The following KPNA3 variants were observed in gnomAD, a reference collection of about 807,000 sequenced individuals.
KPNA3 encodes importin subunit alpha-4.
In KPNA3, 13 loss-of-function variants were observed where a neutral mutation model predicts 73.8. The ratio of observed to expected loss-of-function variants is 0.18; its 90% CI spans 0.11 to 0.28. The LOEUF is 0.28. Ranked by LOEUF, KPNA3 falls within the 10% of genes least tolerant of loss-of-function variation. The pLI, the probability that KPNA3 is intolerant of heterozygous loss-of-function variation, is 1.00. For missense variants in KPNA3, 360 were observed against 618.1 expected, an observed-to-expected ratio of 0.58 and a Z score of 4.43; for synonymous variants, 186 against 206.9, an observed-to-expected ratio of 0.90 and a Z score of 0.87.
intron 1 of KPNA3, among the ~76,000 whole-genome samples, chr13:49,768,193 C>T (rs538660954): frequency 8.6e-5 from 13 of 150,344 alleles, no homozygotes; most frequent in Non-Finnish European, 1.9e-4. Flanking sequence ...GCAGGAAAAT[C>T]GCTTGAACCT....
At chr13:49,741,412 T>C (rs1286523074) in intron 2 of KPNA3, among the ~76,000 whole-genome samples, 1 of 152,124 alleles carries the variant, frequency 6.6e-6, no homozygotes, top group African/African-American at 2.4e-5. Flanking sequence ...GTATACCTAT[T>C]AGCCAGTTCT....
Position 49,709,689 on chromosome 13 carries a change from G to A in KPNA3, c.915C>T (p.Leu305=). The change falls in exon 12 of 17, where the codon CTC becomes CTT. Residue 305 remains leucine (L), a synonymous_variant. Transcript: ENST00000261667. ...CAGTCACTATGTTGCCAACTGCTCT[G>A]AGGGCTGCTGTCTAGGGTGGGGATA... ...HQEVKVQTAA[L]RAVGNIVTGT... The A allele has an allele frequency of 1.2e-6, 2 of 1,613,882 alleles. No individual in the cohort carries two copies. Among genetic ancestry groups the A allele is most frequent in the Admixed American group, 1.7e-5 (1 of 59,986 alleles).
intron 1 of KPNA3, among the ~76,000 whole-genome samples, chr13:49,749,264 C>T (rs1954642578): frequency 1.3e-5 from 2 of 152,166 alleles, no homozygotes; most frequent in African/African-American, 2.4e-5. Context: ...GTTTTAAACA[C>T]CCCTAAACAG....
chr13:49,721,589 G>A (rs1954358829), intron 9 of KPNA3, among the ~76,000 whole-genome samples: 1 of 152,176 alleles, frequency 6.6e-6, no homozygotes, highest in Admixed American at 6.5e-5. Context: ...GGAGGCCGAG[G>A]CGGGCAGATC....
chr13:49,732,671 T>C lies in KPNA3; in HGVS notation c.235-14A>G. 6.3e-7 allele frequency: 1 copy of C among 1,593,882 alleles called. No homozygotes were observed. The highest frequency in any genetic ancestry group is 1.1e-5 in the South Asian group (1 of 88,112). ...ACTTGTGGCATTCTGCAATACCAAA[T>C]GTAAATTTCAGAAATGAAAAAAAAA... On this transcript the variant is annotated splice_polypyrimidine_tract_variant and intron_variant, in intron 4 of 16. Transcript: ENST00000261667.
At chr13:49,788,738 T>TA (rs370220925) in intron 1 of KPNA3, among the ~76,000 whole-genome samples, 1 of 70,244 alleles carries the variant, frequency 1.4e-5, no homozygotes, top group Non-Finnish European at 3.4e-5. Context: ...TTTTTTTTTT[T>TA]AAAAAAAAAA....
At chr13:49,762,938 G>GACA (rs1954781017) in intron 1 of KPNA3, among the ~76,000 whole-genome samples, 1 of 58,230 alleles carries the variant, frequency 1.7e-5, no homozygotes, top group South Asian at 6.5e-4. Context: ...AAAAAAAGAA[G>GACA]AGGAGAGGTC....
At chr13:49,773,438 T>G (rs557703841) in intron 1 of KPNA3, among the ~76,000 whole-genome samples, 1 of 152,300 alleles carries the variant, frequency 6.6e-6, no homozygotes, top group South Asian at 2.1e-4. Context: ...ATTTTTTCGA[T>G]GATATAATTA....
intron 6 of KPNA3, 81 bp from the exon 7 acceptor site, chr13:49,725,582 C>A: frequency 2.4e-6 from 2 of 819,348 alleles, no homozygotes; most frequent in Non-Finnish European, 1.9e-6. Context: ...TAAGATATGG[C>A]TATTCTTTGC....
In KPNA3 at chr13:49,752,166, G is replaced by GT. The variant is rs1025882969; in HGVS notation, c.70-5174dup. On this transcript the variant is annotated intron_variant, in intron 1 of 16. Transcript: ENST00000261667. The stretch of plus-strand genomic sequence containing the variant: ...GGGATCTTTTGCACACATCAACATT[G>GT]TTAAGTATGATGGAGCTAGACACAA... Among the ~76,000 whole-genome samples the GT allele has an allele frequency of 4.7e-4, 72 of 152,272 alleles. 1 individual carries two copies. Among genetic ancestry groups the GT allele is most frequent in the African/African-American group, 1.7e-3 (69 of 41,548 alleles).
At chr13:49,725,532 A>T (rs1490943985) in intron 6 of KPNA3, 31 bp from the exon 7 acceptor site, 10 of 1,306,098 alleles carry the variant, frequency 7.7e-6, no homozygotes, top group Non-Finnish European at 1.1e-5. Flanking sequence ...ATCTTTTTAG[A>T]CACATAACTA....
intron 12 of KPNA3, among the ~76,000 whole-genome samples, chr13:49,708,331 T>G (rs543444199): frequency 6.6e-5 from 10 of 152,216 alleles, no homozygotes; most frequent in African/African-American, 2.4e-4. Context: ...GAGACACCAC[T>G]TCACATCTAC....
chr13:49,718,296 G>A (rs1005901356), intron 10 of KPNA3, among the ~76,000 whole-genome samples: 12 of 152,072 alleles, frequency 7.9e-5, no homozygotes, highest in African/African-American at 2.9e-4. Flanking sequence ...GTCTTAGAAG[G>A]CATGGTCTCT....
intron 1 of KPNA3, among the ~76,000 whole-genome samples, chr13:49,783,652 A>G (rs1426955548): frequency 6.6e-6 from 1 of 152,168 alleles, no homozygotes; most frequent in African/African-American, 2.4e-5. Context: ...CTGACTCTGA[A>G]GTTAGAAGTT....
chr13:49,787,291 T>C (rs902068086), intron 1 of KPNA3, among the ~76,000 whole-genome samples: 16 of 152,010 alleles, frequency 1.1e-4, no homozygotes, highest in Admixed American at 1.0e-3. Flanking sequence ...TTTGCAAGAG[T>C]AAAAAGATAA....
chr13:49,702,355 G>T, intron 16 of KPNA3, 31 bp downstream of exon 16: 1 of 1,099,058 alleles, frequency 9.1e-7, no homozygotes, highest in South Asian at 1.3e-5. Context: ...TCATTTACAT[G>T]AAGATACACG....
intron 7 of KPNA3, among the ~76,000 whole-genome samples, chr13:49,722,887 A>G (rs1163507738): frequency 6.6e-6 from 1 of 150,632 alleles, no homozygotes; most frequent in Non-Finnish European, 1.5e-5. Context: ...CTTAAAATGT[A>G]ATGCTTTAGT....
intron 2 of KPNA3, among the ~76,000 whole-genome samples, chr13:49,737,230 G>A (rs1196057536): frequency 6.6e-6 from 1 of 152,176 alleles, no homozygotes; most frequent in African/African-American, 2.4e-5. Context: ...AGGATTGTAA[G>A]CACTGGGTTA....
intron 1 of KPNA3, among the ~76,000 whole-genome samples, chr13:49,761,781 T>C (rs1954764131): frequency 6.6e-6 from 1 of 150,518 alleles, no homozygotes; most frequent in South Asian, 2.1e-4. Flanking sequence ...TGCCATCCCG[T>C]CTAGGAAGCG....
Sources: gnomAD v4.1 joint callset for allele counts (sites outside exome capture counted in the v4.1 genomes callset) on GRCh38, gnomAD v4.1.1 for gene constraint, MANE v1.5 for transcripts, NCBI Gene and HGNC (gene_info 2026-07-23, HGNC 2026-07-21) for gene names.